Variants in OLA1 observed in about 807,000 individuals in gnomAD.
The protein encoded by OLA1 is Obg like ATPase 1, also known as obg-like ATPase 1.
Under a neutral mutation model 48.4 loss-of-function variants are expected in OLA1, and 14 were observed. That is an observed-to-expected ratio of 0.29 (90% confidence interval 0.19 to 0.45). The LOEUF (loss-of-function observed/expected upper bound fraction) is 0.45. Ranked by LOEUF, OLA1 falls within the 20% of genes least tolerant of loss-of-function variation. OLA1 has a pLI of 1.00. For missense variants in OLA1, 325 were observed against 467.1 expected, an observed-to-expected ratio of 0.70 and a Z score of 2.80; for synonymous variants, 127 against 150.4, an observed-to-expected ratio of 0.84 and a Z score of 1.14.
intron 4 of OLA1, among the ~76,000 whole-genome samples, chr2:174,173,844 C>T (rs1223853462): frequency 6.6e-6 from 1 of 151,916 alleles, no homozygotes; most frequent in Non-Finnish European, 1.5e-5. Context: ...AGTCATTAAA[C>T]ATATGAGAAT....
intron 7 of OLA1, among the ~76,000 whole-genome samples, chr2:174,111,974 A>G (rs1685662923): frequency 6.6e-6 from 1 of 152,218 alleles, no homozygotes; most frequent in South Asian, 2.1e-4. Context: ...AGTCCATACA[A>G]TTAAAGATAC....
chr2:174,144,788 A>G (rs1486775555), intron 4 of OLA1, among the ~76,000 whole-genome samples: 1 of 151,134 alleles, frequency 6.6e-6, no homozygotes, highest in African/African-American at 2.4e-5. Flanking sequence ...CCTTGTCCCT[A>G]AATAAAAAAA....
rs543886547 is a variant in OLA1, at chr2:174,155,397, A to G, written c.374-13397T>C. ...GAAGCTAAACATGCAGCACAACAGAAAAAGATCAATTTCACAGCACACAAT... is the reference window on the plus strand; with the variant it reads ...GAAGCTAAACATGCAGCACAACAGAGAAAGATCAATTTCACAGCACACAAT... On this transcript the variant is annotated intron_variant, in intron 4 of 10. Transcript: ENST00000284719. 3.8e-4 allele frequency among the ~76,000 whole-genome samples: 58 copies of G among 152,380 alleles called. No homozygotes were observed. In the South Asian group the frequency reaches 0.012, roughly 32 times the overall value.
chr2:174,164,908 C>A (rs1687125657), intron 4 of OLA1, among the ~76,000 whole-genome samples: 1 of 152,282 alleles, frequency 6.6e-6, no homozygotes, highest in African/African-American at 2.4e-5. Flanking sequence ...CAGTCTTTTT[C>A]CTCTGACAGA....
At chr2:174,084,606 G>A (rs549576081) in intron 7 of OLA1, among the ~76,000 whole-genome samples, 2 of 152,332 alleles carry the variant, frequency 1.3e-5, no homozygotes, top group Admixed American at 1.3e-4. Context: ...TTACAAAAGT[G>A]TGATAATGAG....
chr2:174,116,091 GAC>G (rs1312467578), intron 7 of OLA1, among the ~76,000 whole-genome samples: 2 of 152,104 alleles, frequency 1.3e-5, no homozygotes, highest in South Asian at 2.1e-4. Flanking sequence ...CATTTATAAT[GAC>G]AGTTTTTTTT....
At chr2:174,102,562 C>G (rs1201585832) in intron 7 of OLA1, among the ~76,000 whole-genome samples, 1 of 151,772 alleles carries the variant, frequency 6.6e-6, no homozygotes. Context: ...ATTCAAGACC[C>G]CCACCCCCAA....
At chr2:174,175,142 G>A (rs1687391762) in intron 4 of OLA1, among the ~76,000 whole-genome samples, 1 of 151,932 alleles carries the variant, frequency 6.6e-6, no homozygotes, top group Non-Finnish European at 1.5e-5. Context: ...AAGAGCTAAA[G>A]TTATTTAAAA....
In OLA1 at chr2:174,232,008, A is replaced by C. The variant is rs532992634; in HGVS notation, c.102-2557T>G. On this transcript the variant is annotated intron_variant, in intron 2 of 10. Coordinates refer to ENST00000284719, the MANE Select transcript of OLA1 (RefSeq NM_013341.5). ...CCTAGATCCCTTGAGGTTAATATTA[A>C]AGCTTAAAAGCAGGAGAAAGATTCA... Among the ~76,000 whole-genome samples the C allele has an allele frequency of 1.4e-4, 21 of 152,300 alleles. No individual in the cohort carries two copies. In the South Asian group the frequency reaches 4.4e-3, roughly 32 times the overall value.
intron 4 of OLA1, among the ~76,000 whole-genome samples, chr2:174,149,857 T>C (rs1686703898): frequency 6.6e-6 from 1 of 152,210 alleles, no homozygotes; most frequent in African/African-American, 2.4e-5. Context: ...GGATGCTGAA[T>C]CTAACCTGAA....
chr2:174,107,531 G>A (rs1685544025), intron 7 of OLA1, among the ~76,000 whole-genome samples: 1 of 152,030 alleles, frequency 6.6e-6, no homozygotes, highest in African/African-American at 2.4e-5. Flanking sequence ...CTAAATGAAT[G>A]GTTTAGATTT....
intron 4 of OLA1, among the ~76,000 whole-genome samples, chr2:174,183,951 G>A (rs1318898734): frequency 6.6e-6 from 1 of 152,092 alleles, no homozygotes; most frequent in African/African-American, 2.4e-5. Context: ...TGAGACACAG[G>A]TATATTCTTT....
At chr2:174,142,286 T>C (rs978336616) in intron 4 of OLA1, among the ~76,000 whole-genome samples, 1 of 152,190 alleles carries the variant, frequency 6.6e-6, no homozygotes, top group African/African-American at 2.4e-5. Context: ...CATTTCCAAG[T>C]TTGGTAAATT....
intron 10 of OLA1, 105 bp from the exon 11 acceptor site, chr2:174,075,632 T>C: frequency 1.5e-6 from 1 of 677,402 alleles, no homozygotes; most frequent in Non-Finnish European, 2.5e-6. Context: ...TTGGGTGATA[T>C]AAAAAAAGAA....
At chr2:174,134,126 T>G (rs1241429759) in intron 5 of OLA1, among the ~76,000 whole-genome samples, 1 of 152,258 alleles carries the variant, frequency 6.6e-6, no homozygotes, top group East Asian at 1.9e-4. Flanking sequence ...TTTTGGCTAT[T>G]ATGAATATTG....
chr2:174,075,319 TC>T lies in OLA1; in HGVS notation c.*106del. 1 of 635,292 alleles carries T rather than the reference TC, an allele frequency of 1.6e-6. No homozygotes were observed. The highest frequency in any genetic ancestry group is 2.9e-5 in the Admixed American group (1 of 34,096). The allele number at this position is 635,292 out of a possible 1,614,324, so 39.4% of individuals were successfully genotyped here. A position where few individuals can be genotyped will look rare whatever the true frequency, so the allele number is the denominator to read the frequency against. On this transcript the variant is annotated 3_prime_UTR_variant, in exon 11 of 11. Coordinates refer to ENST00000284719, the MANE Select transcript of OLA1 (RefSeq NM_013341.5). ...TAAAAATAATTTGTTTGTCAAAGAT[TC>T]CCATCTCCCCAACTTTATTTGTCGC...
intron 4 of OLA1, among the ~76,000 whole-genome samples, chr2:174,159,596 G>A (rs1322645119): frequency 6.6e-6 from 1 of 151,982 alleles, no homozygotes; most frequent in East Asian, 1.9e-4. Flanking sequence ...TATTATTTAA[G>A]AAAATAAGAC....
chr2:174,112,877 G>T (rs771237580), intron 7 of OLA1, among the ~76,000 whole-genome samples: 1 of 152,034 alleles, frequency 6.6e-6, no homozygotes, highest in Non-Finnish European at 1.5e-5. Context: ...AAACTAACAC[G>T]TGATATTCTC....
chr2:174,193,271 G>A (rs926983576), intron 4 of OLA1, among the ~76,000 whole-genome samples: 2 of 151,874 alleles, frequency 1.3e-5, no homozygotes, highest in African/African-American at 2.4e-5. Context: ...TGTATTTTTA[G>A]CAGAGATGAG....
Sources: gnomAD v4.1 joint callset for allele counts (sites outside exome capture counted in the v4.1 genomes callset) on GRCh38, gnomAD v4.1.1 for gene constraint, MANE v1.5 for transcripts, NCBI Gene and HGNC (gene_info 2026-07-23, HGNC 2026-07-21) for gene names.